SLC4A10: variants seen among roughly 807,000 people sequenced by gnomAD.
SLC4A10 encodes sodium-driven chloride bicarbonate exchanger.
Under a neutral mutation model 137.7 loss-of-function variants are expected in SLC4A10, and 42 were observed. The observed-to-expected ratio is 0.30, with a 90% CI of 0.24 to 0.39. The LOEUF (loss-of-function observed/expected upper bound fraction) is 0.39. Among genes scored for constraint, SLC4A10 ranks in the 10% least tolerant of loss-of-function variants. The pLI is 1.00. For synonymous variants in SLC4A10, 474 were observed against 464.1 expected (o/e 1.02, Z -0.27); for missense variants, 925 against 1,355.0 (o/e 0.68, Z 4.98).
chr2:161,714,320 A>G (rs2044611121), intron 1 of SLC4A10, among the ~76,000 whole-genome samples: 1 of 151,920 alleles, frequency 6.6e-6, no homozygotes, highest in Non-Finnish European at 1.5e-5. Flanking sequence ...AACCTTGAAT[A>G]TCATTGGGCT....
chr2:161,797,913 C>T (rs1375221553), intron 2 of SLC4A10, among the ~76,000 whole-genome samples: 5 of 152,022 alleles, frequency 3.3e-5, no homozygotes, highest in African/African-American at 7.2e-5. Flanking sequence ...CTAGAATAGT[C>T]ATAGTCATGA....
At chr2:161,914,784 C>G (rs1200374400) in intron 15 of SLC4A10, among the ~76,000 whole-genome samples, 1 of 152,086 alleles carries the variant, frequency 6.6e-6, no homozygotes, top group Non-Finnish European at 1.5e-5. Flanking sequence ...GGCTCTAACC[C>G]TCAGTACCTC....
At chr2:161,858,531 C>G (rs2060227482) in intron 5 of SLC4A10, among the ~76,000 whole-genome samples, 1 of 152,066 alleles carries the variant, frequency 6.6e-6, no homozygotes, top group Non-Finnish European at 1.5e-5. Context: ...ATTACTTAAC[C>G]TTTTCAAATC....
chr2:161,796,229 C>T (rs992547737), intron 2 of SLC4A10, among the ~76,000 whole-genome samples: 15 of 152,248 alleles, frequency 9.9e-5, no homozygotes, highest in African/African-American at 1.4e-4. Flanking sequence ...CATTTCCAAA[C>T]GCAGTGGCTT....
At chr2:161,828,869 G>T (rs1398371463) in intron 3 of SLC4A10, among the ~76,000 whole-genome samples, 1 of 137,160 alleles carries the variant, frequency 7.3e-6, no homozygotes, top group Admixed American at 7.5e-5. Context: ...TCAGACCTGG[G>T]ATTTCATCTT....
chr2:161,915,519 A>G (rs1686927587), intron 15 of SLC4A10, among the ~76,000 whole-genome samples: 1 of 152,104 alleles, frequency 6.6e-6, no homozygotes, highest in South Asian at 2.1e-4. Flanking sequence ...TCCCCATACG[A>G]TGAGGCAAAG....
chr2:161,894,768 T>C lies in SLC4A10; in HGVS notation c.1284T>C (p.Pro428=), dbSNP rs747536710. The C allele has an allele frequency of 2.8e-6, 4 of 1,426,938 alleles. No homozygotes were observed. The African/African-American group carries it at 5.8e-5, about 21-fold the overall frequency. The allele number at this position is 1,426,938 out of a possible 1,614,324, so 88.4% of individuals were successfully genotyped here. A position where few individuals can be genotyped will look rare whatever the true frequency, so the allele number is the denominator to read the frequency against. The change falls in exon 11 of 27, where the codon CCT becomes CCC. Residue 428 remains proline, a synonymous_variant. Coordinates refer to ENST00000446997, the MANE Select transcript of SLC4A10 (RefSeq NM_001178015.2). ...DEFLDQVTVL[P]PGEWDPSIRI... The stretch of plus-strand genomic sequence containing the variant: ...TTCTGGATCAGGTTACTGTTCTCCC[T>C]CCTGGAGAATGGGATCCAAGCATTC...
chr2:161,633,879 T>C (rs185865612), intron 1 of SLC4A10, among the ~76,000 whole-genome samples: 5 of 151,802 alleles, frequency 3.3e-5, no homozygotes, highest in African/African-American at 4.8e-5. Flanking sequence ...AAATATAAAC[T>C]AATTTTATCA....
intron 2 of SLC4A10, among the ~76,000 whole-genome samples, chr2:161,792,282 C>T (rs933558789): frequency 2.0e-5 from 3 of 152,076 alleles, no homozygotes; most frequent in African/African-American, 7.2e-5. Context: ...TAATCCTATA[C>T]ATATTAAGAG....
chr2:161,670,221 T>TGC (rs1483670615), intron 1 of SLC4A10, among the ~76,000 whole-genome samples: 1 of 151,984 alleles, frequency 6.6e-6, no homozygotes, highest in Non-Finnish European at 1.5e-5. Flanking sequence ...TTTAAGTTGC[T>TGC]GCTACTCAAA....
intron 4 of SLC4A10, among the ~76,000 whole-genome samples, chr2:161,847,787 T>C (rs2059594040): frequency 6.6e-6 from 1 of 152,198 alleles, no homozygotes; most frequent in South Asian, 2.1e-4. Context: ...GGTAGGCACA[T>C]AGGTTGATTC....
chr2:161,726,866 G>A (rs1231923121), intron 1 of SLC4A10, among the ~76,000 whole-genome samples: 1 of 152,220 alleles, frequency 6.6e-6, no homozygotes, highest in Non-Finnish European at 1.5e-5. Context: ...CCGAGACTGT[G>A]CCACTGCACT....
At chr2:161,808,058 T>C (rs1459775372) in intron 3 of SLC4A10, among the ~76,000 whole-genome samples, 1 of 152,126 alleles carries the variant, frequency 6.6e-6, no homozygotes, top group African/African-American at 2.4e-5. Flanking sequence ...TCCTTTATTT[T>C]GGTATTTAGT....
intron 1 of SLC4A10, among the ~76,000 whole-genome samples, chr2:161,767,217 CAT>C (rs72199258): frequency 0.16 from 14,987 of 92,318 alleles, 1,600 homozygotes; most frequent in African/African-American, 0.33. Flanking sequence ...TATATATACA[CAT>C]ATATATATAT....
intron 16 of SLC4A10, among the ~76,000 whole-genome samples, chr2:161,946,421 A>G (rs1693813364): frequency 1.3e-5 from 2 of 152,158 alleles, no homozygotes; most frequent in Non-Finnish European, 2.9e-5. Flanking sequence ...TTGCTCTACA[A>G]AGATTTCAGG....
At chr2:161,946,973 A>T (rs1003670636) in intron 16 of SLC4A10, among the ~76,000 whole-genome samples, 3 of 152,112 alleles carry the variant, frequency 2.0e-5, no homozygotes, top group Non-Finnish European at 4.4e-5. Context: ...CTTTTGGACT[A>T]GATAATTCTA....
At chr2:161,837,343 C>T (rs767408921) in intron 3 of SLC4A10, among the ~76,000 whole-genome samples, 4 of 152,030 alleles carry the variant, frequency 2.6e-5, no homozygotes, top group Non-Finnish European at 5.9e-5. Flanking sequence ...ATAATAGCCT[C>T]AAGAAATGAA....
chr2:161,642,715 G>C lies in SLC4A10; in HGVS notation c.48+18149G>C, dbSNP rs1057211538. ...GTAGGAATTCAACTCATTTAGGGAG[G>C]TGAAATTCTAATCATAGGCATAAGA... On this transcript the variant is annotated intron_variant, in intron 1 of 26. Coordinates refer to ENST00000446997, the MANE Select transcript of SLC4A10 (RefSeq NM_001178015.2). 9.2e-5 allele frequency among the ~76,000 whole-genome samples: 14 copies of C among 151,944 alleles called. 1 individual carries two copies. Among genetic ancestry groups the C allele is most frequent in the Non-Finnish European group, 1.5e-5 (1 of 67,844 alleles).
chr2:161,632,736 GGGTA>G (rs943833671), intron 1 of SLC4A10, among the ~76,000 whole-genome samples: 7 of 151,410 alleles, frequency 4.6e-5, no homozygotes, highest in Non-Finnish European at 1.0e-4. Flanking sequence ...GAATATTAAA[GGGTA>G]GCACTAAGGA....
Sources: allele counts gnomAD v4.1 joint callset (sites outside exome capture counted in the v4.1 genomes callset), GRCh38; gene constraint gnomAD v4.1.1; transcripts MANE v1.5; gene names NCBI Gene and HGNC (gene_info 2026-07-23, HGNC 2026-07-21).